The following EXT2 variants were observed in gnomAD, a reference collection of about 807,000 sequenced individuals.
EXT2 encodes the protein exostosin glycosyltransferase 2.
Under a neutral mutation model 81.6 loss-of-function variants are expected in EXT2, and 53 were observed. The ratio of observed to expected loss-of-function variants is 0.65; its 90% CI spans 0.52 to 0.82. The LOEUF (loss-of-function observed/expected upper bound fraction) is 0.82. Ranked by LOEUF, EXT2 falls within the 40% of genes least tolerant of loss-of-function variation. The pLI, the probability that EXT2 is intolerant of heterozygous loss-of-function variation, is 0.00. For missense variants in EXT2, 774 were observed against 910.2 expected, an observed-to-expected ratio of 0.85 and a Z score of 1.93; for synonymous variants, 320 against 340.0, an observed-to-expected ratio of 0.94 and a Z score of 0.65.
chr11:44,140,160 A>G (rs1430048354), intron 7 of EXT2, among the ~76,000 whole-genome samples: 3 of 152,202 alleles, frequency 2.0e-5, no homozygotes, highest in Non-Finnish European at 2.9e-5. Context: ...GAGTTGGGCA[A>G]CTTGAAGGGT....
chr11:44,203,461 C>T (rs1955544636), intron 9 of EXT2, among the ~76,000 whole-genome samples: 1 of 152,192 alleles, frequency 6.6e-6, no homozygotes, highest in South Asian at 2.1e-4. Flanking sequence ...CTCGTATACA[C>T]ACAGAATTCA....
At chr11:44,130,238 C>G in intron 7 of EXT2, 100 bp downstream of exon 7, 1 of 864,890 alleles carries the variant, frequency 1.2e-6, no homozygotes, top group Non-Finnish European at 2.0e-6. Flanking sequence ...GTGGGGTTTA[C>G]TTCCTCCACT....
intron 7 of EXT2, among the ~76,000 whole-genome samples, chr11:44,161,714 G>A (rs1954930450): frequency 1.3e-5 from 2 of 152,088 alleles, no homozygotes; most frequent in South Asian, 4.1e-4. Flanking sequence ...TTTAGCAGTG[G>A]GAAAACCTGG....
At chr11:44,123,903 G>A (rs1443359626) in intron 4 of EXT2, among the ~76,000 whole-genome samples, 1 of 149,548 alleles carries the variant, frequency 6.7e-6, no homozygotes, top group Non-Finnish European at 1.5e-5. Flanking sequence ...GATCTGCATG[G>A]CACTAGACCC....
At chr11:44,138,379 G>C (rs1004782240) in intron 7 of EXT2, among the ~76,000 whole-genome samples, 2 of 152,162 alleles carry the variant, frequency 1.3e-5, no homozygotes, top group African/African-American at 4.8e-5. Flanking sequence ...TAGAGTTGCA[G>C]TAATCTTGAG....
chr11:44,230,960 T>C (rs1955891941), intron 10 of EXT2, among the ~76,000 whole-genome samples: 3 of 152,206 alleles, frequency 2.0e-5, no homozygotes, highest in African/African-American at 7.2e-5. Context: ...CATATGATCA[T>C]ATGACTTTTA....
intron 8 of EXT2, among the ~76,000 whole-genome samples, chr11:44,190,965 C>T (rs1031491214): frequency 6.6e-6 from 1 of 152,180 alleles, no homozygotes; most frequent in South Asian, 2.1e-4. Flanking sequence ...GAGTTTGAAT[C>T]TCTTTCCTGA....
chr11:44,212,959 GAT>G lies in EXT2; in HGVS notation c.1662+6003_1662+6004del, dbSNP rs1355727153. The stretch of plus-strand genomic sequence containing the variant: ...AGGTGATGGAAATGTTTTATATTAT[GAT>G]ATGGTGGTGGTTATATCATTATATA... On this transcript the variant is annotated intron_variant, in intron 10 of 13. Transcript: ENST00000533608. Among the ~76,000 whole-genome samples, 4 of 152,182 alleles carry G rather than the reference GAT, an allele frequency of 2.6e-5. No individual in the cohort carries two copies. The East Asian group carries it at 7.7e-4, about 29-fold the overall frequency.
chr11:44,187,450 G>A (rs553748043), intron 8 of EXT2, among the ~76,000 whole-genome samples: 38 of 151,504 alleles, frequency 2.5e-4, no homozygotes, highest in Admixed American at 7.2e-4. Flanking sequence ...CTCCCACCCT[G>A]GCAAGTTTCT....
At chr11:44,225,014 G>T (rs955361307) in intron 10 of EXT2, among the ~76,000 whole-genome samples, 12 of 152,138 alleles carry the variant, frequency 7.9e-5, no homozygotes, top group African/African-American at 2.7e-4. Context: ...AATCTCCTGA[G>T]ATTAGACTTA....
At chr11:44,169,805 G>C (rs1955045898) in intron 7 of EXT2, among the ~76,000 whole-genome samples, 1 of 110,464 alleles carries the variant, frequency 9.1e-6, no homozygotes, top group Non-Finnish European at 1.8e-5. Flanking sequence ...AAAAAGTTTT[G>C]GATTTTGGAG....
Position 44,171,732 on chromosome 11 carries a change from C to T in EXT2, c.1295C>T (p.Pro432Leu), listed in dbSNP as rs1311776810. 1 of 1,613,964 alleles carries T rather than the reference C, an allele frequency of 6.2e-7. No individual in the cohort carries two copies. Among genetic ancestry groups the T allele is most frequent in the South Asian group, 1.1e-5 (1 of 91,076 alleles). ...ATCTCCTATGAAGAATGGAATGACCCTCCTGCTGTGGTAAGTGAATTCCAG... is the reference window on the plus strand; with the variant it reads ...ATCTCCTATGAAGAATGGAATGACCTTCCTGCTGTGGTAAGTGAATTCCAG... ...AAISYEEWNDPPAVKWGSVSN... is the reference protein window; with the variant it reads ...AAISYEEWNDLPAVKWGSVSN... Residue 432 changes from proline to leucine, a missense_variant, in exon 8 of 14, where the codon CCT becomes CTT. Physicochemically the swap from Pro to Leu is moderately conservative, Grantham distance 98. This residue lies in a region of EXT2 where 626 missense variants were observed against 670.5 expected (regional missense o/e 0.93). Transcript: ENST00000533608.
chr11:44,102,538 T>A (rs896766861), intron 1 of EXT2, among the ~76,000 whole-genome samples: 1 of 144,748 alleles, frequency 6.9e-6, no homozygotes, highest in African/African-American at 2.6e-5. Flanking sequence ...CTCTCTCTTT[T>A]TTTTTTTTTT....
intron 8 of EXT2, among the ~76,000 whole-genome samples, chr11:44,177,105 A>T (rs894367357): frequency 6.6e-6 from 1 of 152,152 alleles, no homozygotes; most frequent in Admixed American, 6.5e-5. Flanking sequence ...ACTTGGAAAT[A>T]ATGTTAAAGT....
intron 1 of EXT2, among the ~76,000 whole-genome samples, chr11:44,096,554 T>G (rs1213909384): frequency 2.0e-5 from 3 of 147,402 alleles, no homozygotes; most frequent in East Asian, 2.1e-4. Context: ...CGGACTAGAT[T>G]GCTGGTGGCA....
chr11:44,235,166 A>G (rs573808671), intron 12 of EXT2, among the ~76,000 whole-genome samples: 22 of 151,822 alleles, frequency 1.4e-4, no homozygotes, highest in Admixed American at 4.6e-4. Context: ...CACAAAAAAA[A>G]TTAAATAACA....
chr11:44,126,030 GT>G (rs1027136335), intron 5 of EXT2, among the ~76,000 whole-genome samples: 20 of 152,092 alleles, frequency 1.3e-4, no homozygotes, highest in African/African-American at 4.3e-4. Context: ...TTAAAGATTA[GT>G]TTTTGGTTTT....
rs1422698877 is a variant in EXT2 at position 44,250,196 on chromosome 11, G to C, written c.*5909G>C. On this transcript the variant is annotated 3_prime_UTR_variant, in exon 14 of 14. Coordinates refer to ENST00000533608, the MANE Select transcript of EXT2 (RefSeq NM_207122.2). ...GTTCTAGTGGGAGTTCTTGAGCTTG[G>C]TAAGATGATGTGAGTCCATCAGTGG... Among the ~76,000 whole-genome samples, 1 of 152,188 alleles carries C rather than the reference G, an allele frequency of 6.6e-6. No homozygotes were observed. The highest frequency in any genetic ancestry group is 1.5e-5 in the Non-Finnish European group (1 of 68,032).
intron 7 of EXT2, among the ~76,000 whole-genome samples, chr11:44,132,743 A>G (rs954268954): frequency 2.0e-5 from 3 of 152,050 alleles, no homozygotes; most frequent in African/African-American, 7.3e-5. Flanking sequence ...TGGTCTTGGC[A>G]CTTTCCCGGC....
Sources: gnomAD v4.1 joint callset for allele counts (sites outside exome capture counted in the v4.1 genomes callset) on GRCh38, gnomAD v4.1.1 for gene constraint, gnomAD v4.1.1 regional missense constraint, MANE v1.5 for transcripts, NCBI Gene and HGNC (gene_info 2026-07-23, HGNC 2026-07-21) for gene names.